SEC31A: variants seen among roughly 807,000 people sequenced by gnomAD.
SEC31A encodes the protein protein transport protein Sec31A.
SEC31A carries 70 observed loss-of-function variants against 151.0 expected under a neutral mutation model. The observed-to-expected ratio is 0.46, with a 90% confidence interval of 0.38 to 0.57. The LOEUF is 0.57. Among genes scored for constraint, SEC31A ranks in the 20% least tolerant of loss-of-function variants. The pLI is 0.00. For missense variants in SEC31A, 1,330 were observed against 1,471.2 expected (o/e 0.90, Z 1.57); for synonymous variants, 475 against 505.9 (o/e 0.94, Z 0.82).
intron 9 of SEC31A, 75 bp from the exon 10 acceptor site, chr4:82,867,035 A>T: frequency 6.4e-7 from 1 of 1,562,870 alleles, no homozygotes; most frequent in Non-Finnish European, 8.7e-7. Context: ...ATCCAAAAAA[A>T]TTTTTGATCA....
intron 5 of SEC31A, among the ~76,000 whole-genome samples, chr4:82,875,022 G>A (rs962570730): frequency 5.3e-5 from 8 of 152,266 alleles, no homozygotes; most frequent in Middle Eastern, 3.4e-3. Flanking sequence ...TATAAACCAA[G>A]TACTGTTTCT....
chr4:82,830,009 A>T (rs1725566444), intron 22 of SEC31A, among the ~76,000 whole-genome samples: 1 of 152,238 alleles, frequency 6.6e-6, no homozygotes. Context: ...AAGACAAAAA[A>T]ATTATTCCCT....
chr4:82,897,589 A>G (rs1720117882), intron 3 of SEC31A, among the ~76,000 whole-genome samples: 1 of 152,136 alleles, frequency 6.6e-6, no homozygotes. Context: ...ACAAAAAAAA[A>G]TTAGCCAGGT....
chr4:82,879,384 AGG>A (rs1553936024), intron 3 of SEC31A, among the ~76,000 whole-genome samples: 4 of 149,736 alleles, frequency 2.7e-5, no homozygotes, highest in South Asian at 4.3e-4. Context: ...AAAAAAAAAA[AGG>A]GGGGGTCACT....
Position 82,819,118 on chromosome 4 carries a change from C to A in SEC31A, c.3619G>T (p.Val1207Phe). 1 of 1,611,522 alleles carries A rather than the reference C, an allele frequency of 6.2e-7. No individual in the cohort carries two copies. The highest frequency in any genetic ancestry group is 1.3e-5 in the African/African-American group (1 of 74,976). ...NFSETSAFMP[V>F]LKVVLTQANK... ...GCCTGGGTGAGAACAACTTTGAGAA[C>A]TGGCATGAAAGCAGAGGTCTCACTG... The change falls in exon 27 of 27, where the codon GTT becomes TTT. Residue 1207 changes from valine (V) to phenylalanine (F), a missense_variant. Physicochemically the swap from Val to Phe is conservative, Grantham distance 50. Transcript: ENST00000395310.
rs754008346 is a variant in SEC31A at position 82,824,981 on chromosome 4, C to T, written c.3292-307G>A. On this transcript the variant is annotated intron_variant, in intron 24 of 26. Coordinates refer to ENST00000395310, the MANE Select transcript of SEC31A (RefSeq NM_001077207.4). The stretch of plus-strand genomic sequence containing the variant: ...ATAACTGATGGGAAATAAGTATGTG[C>T]CAGCAGAGAATAAAAACAAGGCACT... 5.7e-4 allele frequency among the ~76,000 whole-genome samples: 87 copies of T among 152,228 alleles called. No homozygotes were observed. The Middle Eastern group carries it at 0.014, about 24-fold the overall frequency.
rs1719657902 is a variant in SEC31A at position 82,891,075 on chromosome 4, C to T, written c.-5+13G>A. On this transcript the variant is annotated intron_variant, in intron 1 of 26. Coordinates refer to ENST00000395310, the MANE Select transcript of SEC31A (RefSeq NM_001077207.4). ...GACCGGCGAAGAGGACAAAAAGCAACGGGCGGACGCACCTGGCGAGGACCT... is the reference window on the plus strand; with the variant it reads ...GACCGGCGAAGAGGACAAAAAGCAATGGGCGGACGCACCTGGCGAGGACCT... 1 of 1,535,760 alleles carries T rather than the reference C, an allele frequency of 6.5e-7. No homozygotes were observed. The highest frequency in any genetic ancestry group is 2.0e-5 in the Admixed American group (1 of 50,980).
Position 82,863,378 on chromosome 4 carries a change from A to G in SEC31A, c.1449T>C (p.Asp483=). 1.3e-6 allele frequency: 2 copies of G among 1,574,784 alleles called. No homozygotes were observed. Among genetic ancestry groups the G allele is most frequent in the Non-Finnish European group, 1.7e-6 (2 of 1,166,174 alleles). Residue 483 remains aspartate, a synonymous_variant, in exon 12 of 27, where the codon GAT becomes GAC. Transcript: ENST00000395310. ...GTTCAAGGTATTTTCCACGAGAATC[A>G]TCCTCAAAGTTTACCTTTAAAAAAA... ...VWSFLKVNFE[D]DSRGKYLELL... is the part of the protein sequence containing the mutation.
chr4:82,821,081 T>C lies in SEC31A; in HGVS notation c.3439A>G (p.Ser1147Gly), dbSNP rs1048998568. 8.1e-6 allele frequency: 13 copies of C among 1,613,836 alleles called. No homozygotes were observed. In the South Asian group the frequency reaches 1.4e-4, roughly 18 times the overall value. ...PQTKRKLDDA[S>G]KRLEFLYDKL... ...TCATACAGAAACTCCAAACGTTTGC[T>C]GGCATCATCTAGCTTCCTCTTGGTT... Residue 1147 changes from serine (S) to glycine (G), a missense_variant, in exon 26 of 27, where the codon AGC (serine) becomes GGC (glycine). By Grantham distance (56) the Ser-to-Gly change is moderately conservative (BLOSUM62 0). Coordinates refer to ENST00000395310, the MANE Select transcript of SEC31A (RefSeq NM_001077207.4).
At chr4:82,822,040 T>C (rs10003418) in intron 25 of SEC31A, among the ~76,000 whole-genome samples, 70 of 152,266 alleles carry the variant, frequency 4.6e-4, no homozygotes, top group African/African-American at 1.7e-3. Context: ...CTCTCTACCA[T>C]AGCACTGTAA....
intron 13 of SEC31A, among the ~76,000 whole-genome samples, chr4:82,862,059 T>G (rs1250510651): frequency 6.6e-6 from 1 of 151,630 alleles, no homozygotes; most frequent in Admixed American, 6.6e-5. Context: ...ATTACAGGCA[T>G]GTGCCACCAC....
intron 16 of SEC31A, among the ~76,000 whole-genome samples, chr4:82,856,511 G>C (rs1439816277): frequency 6.6e-6 from 1 of 151,576 alleles, no homozygotes; most frequent in Non-Finnish European, 1.5e-5. Context: ...GGCACTTTGG[G>C]AGACCGAGGT....
chr4:82,875,680 A>G (rs1272620717), intron 5 of SEC31A, 47 bp downstream of exon 5: 1 of 1,085,504 alleles, frequency 9.2e-7, no homozygotes, highest in Admixed American at 1.9e-5. Flanking sequence ...TAGGAGAACT[A>G]CTTTTGGCTT....
rs1227444784 is a variant in SEC31A, at chr4:82,824,824, G to A, written c.3292-150C>T. The A allele has an allele frequency of 1.1e-5, 10 of 890,528 alleles. No homozygotes were observed. The East Asian group carries it at 1.7e-4, about 15-fold the overall frequency. 55.2% of individuals were successfully genotyped at this position (890,528 alleles called of 1,614,324 possible). A position where few individuals can be genotyped will look rare whatever the true frequency, so the allele number is the denominator to read the frequency against. ...AAATTTAATGTGTGAAATCACTTAC[G>A]ATAAGTAAAAATAAAAACCAGATAT... is the stretch of plus-strand genomic sequence containing the variant. On this transcript the variant is annotated intron_variant, in intron 24 of 26. Transcript: ENST00000395310.
intron 12 of SEC31A, 42 bp from the exon 13 acceptor site, chr4:82,862,614 T>C (rs1734450079): frequency 6.4e-7 from 1 of 1,559,990 alleles, no homozygotes; most frequent in Non-Finnish European, 8.8e-7. Flanking sequence ...TGGAATTCTA[T>C]TTCAGAGCAT....
chr4:82,876,228 A>G (rs942011142), intron 4 of SEC31A, among the ~76,000 whole-genome samples: 5 of 150,434 alleles, frequency 3.3e-5, no homozygotes, highest in Non-Finnish European at 7.4e-5. Flanking sequence ...CTCCTGCCTC[A>G]GCCTCCCGAG....
At position 82,827,534 on chromosome 4, in the gene SEC31A, A is replaced by G; in HGVS notation, c.3126T>C (p.Ala1042=). 1 of 1,614,216 alleles carries G rather than the reference A, an allele frequency of 6.2e-7. No homozygotes were observed. Among genetic ancestry groups the G allele is most frequent in the Non-Finnish European group, 8.5e-7 (1 of 1,180,042 alleles). ...AAGACTGGCTTGACAGTGGTACTGG[A>G]GCTGAAGGCTGTTGCTGCAGCATTT... ...QSQMLQQQPS[A]PVPLSSQSSF... Residue 1042 remains alanine (A), a synonymous_variant, in exon 24 of 27, where the codon GCT becomes GCC. Coordinates refer to ENST00000395310, the MANE Select transcript of SEC31A (RefSeq NM_001077207.4).
intron 13 of SEC31A, 152 bp downstream of exon 13, chr4:82,862,382 A>G (rs752082655): frequency 1.7e-6 from 1 of 590,246 alleles, no homozygotes; most frequent in Non-Finnish European, 3.0e-6. Context: ...TGTTATTTTA[A>G]AATGAGAATT....
intron 22 of SEC31A, among the ~76,000 whole-genome samples, chr4:82,841,440 T>TATA (rs1553926931): frequency 5.4e-5 from 1 of 18,370 alleles, no homozygotes; most frequent in African/African-American, 9.0e-5. Flanking sequence ...AAAAAAAAAA[T>TATA]TTTATATATA....
Sources: allele counts gnomAD v4.1 joint callset (sites outside exome capture counted in the v4.1 genomes callset), GRCh38; gene constraint gnomAD v4.1.1; transcripts MANE v1.5; gene names NCBI Gene and HGNC (gene_info 2026-07-23, HGNC 2026-07-21).